The following GPHN variants were observed in gnomAD, a reference collection of about 807,000 sequenced individuals.
The protein encoded by GPHN is gephyrin.
GPHN carries 17 observed loss-of-function variants against 95.5 expected under a neutral mutation model. That is an observed-to-expected ratio of 0.18 (90% CI 0.12 to 0.27). GPHN has a LOEUF of 0.27. GPHN is among the 10% of genes least tolerant of loss of function. GPHN has a pLI of 1.00. For synonymous variants in GPHN, 320 were observed against 322.5 expected (o/e 0.99, Z 0.08); for missense variants, 660 against 978.1 (o/e 0.67, Z 4.34).
intron 9 of GPHN, among the ~76,000 whole-genome samples, chr14:67,004,743 C>T (rs950415731): frequency 1.3e-5 from 2 of 151,728 alleles, no homozygotes; most frequent in Admixed American, 6.6e-5. Context: ...GTTTTTGGAA[C>T]CTTATTACAT....
intron 21 of GPHN, among the ~76,000 whole-genome samples, chr14:67,176,489 T>C (rs956855948): frequency 1.3e-5 from 2 of 152,238 alleles, no homozygotes; most frequent in African/African-American, 2.4e-5. Context: ...CAGTATTTTA[T>C]TGAGGATTTT....
chr14:66,810,514 T>A (rs939066728), intron 3 of GPHN, among the ~76,000 whole-genome samples: 5 of 151,994 alleles, frequency 3.3e-5, no homozygotes, highest in African/African-American at 1.2e-4. Flanking sequence ...GTCAAAAATA[T>A]GTCATTGATG....
At chr14:66,636,802 T>C (rs943369230) in intron 1 of GPHN, among the ~76,000 whole-genome samples, 3 of 152,188 alleles carry the variant, frequency 2.0e-5, no homozygotes, top group Non-Finnish European at 4.4e-5. Flanking sequence ...TTATAGAATA[T>C]ATAATAAGGC....
the GPHN span, among the ~76,000 whole-genome samples, chr14:67,443,687 G>T: frequency 6.6e-6 from 1 of 151,942 alleles, no homozygotes; most frequent in Admixed American, 6.6e-5. Flanking sequence ...AGGATTTCTG[G>T]AGGCCAGGGG....
At chr14:67,537,229 A>C in the GPHN span, among the ~76,000 whole-genome samples, 169 of 125,228 alleles carry the variant, frequency 1.3e-3, no homozygotes, top group Middle Eastern at 0.011. Context: ...CTGTAATCCC[A>C]GCTACTCAGG....
At chr14:66,857,836 G>A (rs1567026799) in intron 4 of GPHN, among the ~76,000 whole-genome samples, 1 of 152,180 alleles carries the variant, frequency 6.6e-6, no homozygotes, top group Non-Finnish European at 1.5e-5. Flanking sequence ...ATGGCATGGA[G>A]AGAGAATCTG....
the GPHN span, chr14:67,360,216 G>C: frequency 2.5e-6 from 1 of 401,492 alleles, no homozygotes; most frequent in Non-Finnish European, 4.4e-6. Context: ...GTACTTTTCA[G>C]GTCCTTCCAT....
chr14:66,635,549 C>G (rs2064050419), intron 1 of GPHN, among the ~76,000 whole-genome samples: 1 of 152,128 alleles, frequency 6.6e-6, no homozygotes, highest in Non-Finnish European at 1.5e-5. Context: ...AACTGGTCCT[C>G]TGAGTGATCC....
At chr14:67,051,917 A>T (rs768568580) in intron 10 of GPHN, among the ~76,000 whole-genome samples, 1 of 152,242 alleles carries the variant, frequency 6.6e-6, no homozygotes, top group Non-Finnish European at 1.5e-5. Flanking sequence ...ATACTGAGGG[A>T]ATTTGTCACC....
chr14:67,726,193 C>A, the GPHN span: 3 of 1,180,388 alleles, frequency 2.5e-6, no homozygotes, highest in South Asian at 2.4e-5. Context: ...GAGGTACACC[C>A]ACTATCTTTT....
At chr14:66,704,903 T>G (rs1382681265) in intron 2 of GPHN, among the ~76,000 whole-genome samples, 1 of 151,948 alleles carries the variant, frequency 6.6e-6, no homozygotes, top group African/African-American at 2.4e-5. Flanking sequence ...ATTAACACAG[T>G]AGATAGACTG....
At chr14:67,620,114 G>A in the GPHN span, 1 of 1,524,790 alleles carries the variant, frequency 6.6e-7, no homozygotes, top group Non-Finnish European at 8.9e-7. Context: ...TGGAACCGCC[G>A]GGCAGGATCC....
At chr14:67,421,648 C>T in the GPHN span, among the ~76,000 whole-genome samples, 9 of 152,166 alleles carry the variant, frequency 5.9e-5, no homozygotes, top group South Asian at 4.1e-4. Context: ...CCTATAGGAA[C>T]GATCCTAGCC....
chr14:67,305,224 T>C, the GPHN span, among the ~76,000 whole-genome samples: 1 of 152,150 alleles, frequency 6.6e-6, no homozygotes, highest in Non-Finnish European at 1.5e-5. Context: ...TTATCTACAA[T>C]AATCCATCCC....
intron 1 of GPHN, among the ~76,000 whole-genome samples, chr14:66,536,319 A>G (rs894016367): frequency 6.6e-6 from 1 of 152,186 alleles, no homozygotes; most frequent in African/African-American, 2.4e-5. Flanking sequence ...GAGATAAATC[A>G]TATGGTTGTA....
intron 21 of GPHN, among the ~76,000 whole-genome samples, chr14:67,170,276 C>T (rs2082524045): frequency 6.6e-6 from 1 of 151,744 alleles, no homozygotes; most frequent in African/African-American, 2.4e-5. Flanking sequence ...TTTCATTAAT[C>T]ACAGTGGTAA....
At chr14:66,966,741 T>C (rs985428330) in intron 9 of GPHN, among the ~76,000 whole-genome samples, 11 of 152,156 alleles carry the variant, frequency 7.2e-5, no homozygotes, top group African/African-American at 2.6e-4. Context: ...ACCTAAAAGT[T>C]GGGAATTCAG....
intron 1 of GPHN, among the ~76,000 whole-genome samples, chr14:66,574,413 G>A (rs1022911980): frequency 3.9e-5 from 6 of 152,052 alleles, no homozygotes; most frequent in Admixed American, 6.5e-5. Flanking sequence ...CTTTCATACT[G>A]TAGTTAAAAG....
At chr14:66,959,865 CAG>C (rs1212415292) in intron 8 of GPHN, among the ~76,000 whole-genome samples, 2 of 152,124 alleles carry the variant, frequency 1.3e-5, no homozygotes, top group Non-Finnish European at 2.9e-5. Context: ...AATCATATCT[CAG>C]TGTGTTTGAT....
Sources: allele counts gnomAD v4.1 joint callset (sites outside exome capture counted in the v4.1 genomes callset), GRCh38; gene constraint gnomAD v4.1.1; transcripts MANE v1.5; gene names NCBI Gene and HGNC (gene_info 2026-07-23, HGNC 2026-07-21).